Variants in LYN observed in about 807,000 individuals in gnomAD.
LYN encodes the protein LYN proto-oncogene, Src family tyrosine kinase, also known as tyrosine-protein kinase Lyn.
LYN carries 12 observed loss-of-function variants against 65.0 expected under a neutral mutation model. That is an observed-to-expected ratio of 0.18 (90% CI 0.12 to 0.30). The LOEUF is 0.30. Among genes scored for constraint, LYN ranks in the 10% least tolerant of loss-of-function variants. The pLI is 1.00. For missense variants in LYN, 380 were observed against 623.2 expected (o/e 0.61, Z 4.16); for synonymous variants, 222 against 221.2 (o/e 1.00, Z -0.03).
chr8:55,921,961 C>G (rs1000906330), intron 1 of LYN, among the ~76,000 whole-genome samples: 5 of 152,172 alleles, frequency 3.3e-5, no homozygotes, highest in African/African-American at 9.7e-5. Context: ...AATCCCTGCT[C>G]TCATGGAGCT....
At chr8:55,927,890 T>G (rs1268106029) in intron 1 of LYN, among the ~76,000 whole-genome samples, 1 of 152,134 alleles carries the variant, frequency 6.6e-6, no homozygotes. Context: ...TGCAGGTTTT[T>G]GTGTGTACAT....
intron 10 of LYN, among the ~76,000 whole-genome samples, chr8:55,997,192 T>A (rs1276708231): frequency 6.6e-6 from 1 of 151,346 alleles, no homozygotes; most frequent in Admixed American, 6.6e-5. Context: ...ATCTTTGTGA[T>A]TGTCCTGGAG....
At chr8:55,984,033 T>G (rs1424879134) in intron 10 of LYN, among the ~76,000 whole-genome samples, 1 of 152,126 alleles carries the variant, frequency 6.6e-6, no homozygotes, top group Non-Finnish European at 1.5e-5. Flanking sequence ...CCATTCCATG[T>G]CTTGTTGACC....
At position 55,880,027 on chromosome 8, in the gene LYN, G is replaced by A. The variant is rs1050855; in HGVS notation, c.-82G>A. On this transcript the variant is annotated 5_prime_UTR_variant, in exon 1 of 13. Transcript: ENST00000519728. ...CCTCCCCATACGCAGGTCCTGCTGG[G>A]CCGCCCCGTCGCGCCCCCCACTCTG... 0.49 allele frequency: 152,707 copies of A among 309,266 alleles called. 38,555 individuals are homozygous for A. The highest frequency in any genetic ancestry group is 0.64 in the East Asian group (4,021 of 6,244). 19.2% of individuals were successfully genotyped at this position (309,266 alleles called of 1,614,324 possible).
chr8:55,924,022 CA>C (rs1336800435), intron 1 of LYN, among the ~76,000 whole-genome samples: 1 of 152,014 alleles, frequency 6.6e-6, no homozygotes, highest in Non-Finnish European at 1.5e-5. Context: ...ATTGGACACC[CA>C]CATTCTCACT....
intron 8 of LYN, among the ~76,000 whole-genome samples, chr8:55,958,816 A>G (rs1807195592): frequency 6.6e-6 from 1 of 152,232 alleles, no homozygotes; most frequent in South Asian, 2.1e-4. Context: ...AGGCTTAATG[A>G]TATTCCTTTA....
At chr8:55,919,829 G>A (rs947249843) in intron 1 of LYN, among the ~76,000 whole-genome samples, 2 of 151,948 alleles carry the variant, frequency 1.3e-5, no homozygotes, top group East Asian at 1.9e-4. Flanking sequence ...TGTGAGGCTC[G>A]GGAAATGGCT....
chr8:55,914,712 G>C (rs185583934), intron 1 of LYN, among the ~76,000 whole-genome samples: 2 of 152,236 alleles, frequency 1.3e-5, no homozygotes, highest in African/African-American at 2.4e-5. Context: ...TACCCTTCCA[G>C]ACATGAGAAA....
Position 55,946,657 on chromosome 8 carries a change from T to C in LYN, c.178+164T>C, listed in dbSNP as rs147948603. 7.4e-3 allele frequency among the ~76,000 whole-genome samples: 1,124 copies of C among 152,264 alleles called. 6 individuals are homozygous for C. Among genetic ancestry groups the C allele is most frequent in the Non-Finnish European group, 0.01 (710 of 68,018 alleles). ...AAGTATACATTTCAGCAGCATTAGG[T>C]ACATTCACATTGTTGTACAACCAAT... is the stretch of plus-strand genomic sequence containing the variant. On this transcript the variant is annotated intron_variant, in intron 3 of 12. Transcript: ENST00000519728.
intron 6 of LYN, among the ~76,000 whole-genome samples, chr8:55,951,199 C>T (rs970368001): frequency 2.6e-5 from 4 of 151,722 alleles, no homozygotes; most frequent in Admixed American, 6.6e-5. Flanking sequence ...GCCGTGATCA[C>T]GCCACTGCAC....
At chr8:56,003,462 C>T (rs908381035) in intron 12 of LYN, among the ~76,000 whole-genome samples, 6 of 151,958 alleles carry the variant, frequency 3.9e-5, no homozygotes, top group South Asian at 2.1e-4. Flanking sequence ...GCCAGGAGTT[C>T]GAGACCAGCC....
intron 12 of LYN, among the ~76,000 whole-genome samples, chr8:56,000,025 T>C (rs1264856954): frequency 1.3e-5 from 2 of 152,228 alleles, no homozygotes; most frequent in Non-Finnish European, 2.9e-5. Flanking sequence ...TAAATTGTTC[T>C]AAGAGTGCTT....
In LYN at chr8:55,988,949, CA is replaced by C. The variant is rs796177060; in HGVS notation, c.1051-9392del. On this transcript the variant is annotated intron_variant, in intron 10 of 12. Transcript: ENST00000519728. ...GCCTTGCTTGTCTTTGCCAATTTCT[CA>C]AAAAGCGATAGTAATTAGGATGAAC... is the stretch of plus-strand genomic sequence containing the variant. Among the ~76,000 whole-genome samples, 125 of 151,970 alleles carry C rather than the reference CA, an allele frequency of 8.2e-4. 1 individual carries two copies. Among genetic ancestry groups the C allele is most frequent in the African/African-American group, 2.8e-3 (118 of 41,486 alleles).
Position 55,975,560 on chromosome 8 carries a change from A to G in LYN, c.1050+5767A>G, listed in dbSNP as rs572441536. ...TAAGATTTTAGCATTGCTCTAAATA[A>G]GGGAACACAAATATATCACTTTAAT... On this transcript the variant is annotated intron_variant, in intron 10 of 12. Coordinates refer to ENST00000519728, the MANE Select transcript of LYN (RefSeq NM_002350.4). Among the ~76,000 whole-genome samples the G allele has an allele frequency of 4.6e-5, 7 of 152,368 alleles. No individual in the cohort carries two copies. In the East Asian group the frequency reaches 1.3e-3, roughly 29 times the overall value.
chr8:55,973,644 G>A (rs2130537741), intron 10 of LYN, among the ~76,000 whole-genome samples: 1 of 152,348 alleles, frequency 6.6e-6, no homozygotes. Flanking sequence ...AAAATTTACA[G>A]TTGCAGTTTG....
At chr8:55,979,733 C>G (rs913758225) in intron 10 of LYN, among the ~76,000 whole-genome samples, 2 of 152,176 alleles carry the variant, frequency 1.3e-5, no homozygotes, top group Non-Finnish European at 2.9e-5. Context: ...CCTGATTCAG[C>G]GTCACCCCAG....
At chr8:55,906,446 ACCT>A (rs1304031038) in intron 1 of LYN, among the ~76,000 whole-genome samples, 1 of 151,622 alleles carries the variant, frequency 6.6e-6, no homozygotes, top group Admixed American at 6.6e-5. Flanking sequence ...TGCAACTTCC[ACCT>A]CCTGGCTTCA....
At chr8:55,942,403 G>T (rs867844257) in intron 2 of LYN, among the ~76,000 whole-genome samples, 1 of 130,346 alleles carries the variant, frequency 7.7e-6, no homozygotes, top group African/African-American at 3.1e-5. Context: ...GTGTATATAT[G>T]TGTATATATA....
At chr8:55,941,020 A>T (rs538157344) in intron 1 of LYN, among the ~76,000 whole-genome samples, 3 of 152,172 alleles carry the variant, frequency 2.0e-5, no homozygotes, top group Non-Finnish European at 4.4e-5. Flanking sequence ...GAATGTTTTC[A>T]TAAGTATCTT....
Sources: allele counts gnomAD v4.1 joint callset (sites outside exome capture counted in the v4.1 genomes callset), GRCh38; gene constraint gnomAD v4.1.1; transcripts MANE v1.5; gene names NCBI Gene and HGNC (gene_info 2026-07-23, HGNC 2026-07-21).